LTBP4: variants seen among roughly 807,000 people sequenced by gnomAD.
The protein encoded by LTBP4 is latent-transforming growth factor beta-binding protein 4.
In LTBP4, 93 loss-of-function variants were observed where a neutral mutation model predicts 180.2. The observed-to-expected ratio is 0.52, with a 90% CI of 0.44 to 0.61. LTBP4 has a LOEUF of 0.61. Among genes scored for constraint, LTBP4 ranks in the 20% least tolerant of loss-of-function variants. LTBP4 has a pLI of 0.00. For missense variants in LTBP4, 2,116 were observed against 2,256.5 expected, an observed-to-expected ratio of 0.94 and a Z score of 1.26; for synonymous variants, 947 against 934.5, an observed-to-expected ratio of 1.01 and a Z score of -0.24.
chr19:40,597,234 G>C (rs1385398857), upstream of LTBP4: 5 of 1,489,218 alleles, frequency 3.4e-6, no homozygotes, highest in Non-Finnish European at 4.4e-6. Flanking sequence ...CGCCCGACAC[G>C]ATGCCGAGGC....
intron 1 of LTBP4, among the ~76,000 whole-genome samples, chr19:40,594,934 G>A (rs751582318): frequency 1.3e-5 from 2 of 151,974 alleles, no homozygotes; most frequent in Non-Finnish European, 2.9e-5. Context: ...GGAGTGGGGG[G>A]TGGGGGGTGC....
Position 40,613,521 on chromosome 19 carries a change from C to G in LTBP4, c.2549C>G (p.Ser850Cys). 1 of 1,569,446 alleles carries G rather than the reference C, an allele frequency of 6.4e-7. No homozygotes were observed. The highest frequency in any genetic ancestry group is 8.6e-7 in the Non-Finnish European group (1 of 1,158,400). ...PGYRPGPRGASCLDVDECSEE... is the reference protein window; with the variant it reads ...PGYRPGPRGACCLDVDECSEE... ...TACCGACCCGGACCCCGCGGAGCCT[C>G]TTGCCTCGGTTCGTACCCGGGCTGA... The change falls in exon 17 of 30, where the codon TCT (serine) becomes TGT (cysteine). Residue 850 changes from serine to cysteine, a missense_variant. Physicochemically the swap from Ser to Cys is moderately radical, Grantham distance 112. Transcript: ENST00000396819. The surrounding 1 kb of genome is among the most constrained non-coding windows in gnomAD (Gnocchi z 5.0).
chr19:40,593,560 T>G (rs1365688401), intron 1 of LTBP4, among the ~76,000 whole-genome samples: 2 of 151,040 alleles, frequency 1.3e-5, no homozygotes, highest in African/African-American at 2.4e-5. Flanking sequence ...TCTAGAAAAT[T>G]TTTTACATGC....
At chr19:40,599,786 T>C, upstream of LTBP4, 1 of 582,676 alleles carries the variant, frequency 1.7e-6, no homozygotes, top group Non-Finnish European at 3.0e-6. Context: ...TCTAGTTACC[T>C]GTCTCTTTTC....
Position 40,627,713 on chromosome 19 carries a change from G to T in LTBP4, c.4375G>T (p.Ala1459Ser), listed in dbSNP as rs775314568. The change falls in exon 29 of 30, where the codon GCT (alanine) becomes TCT (serine). Residue 1459 changes from alanine to serine, a missense_variant. Ala to Ser is a moderately conservative substitution (Grantham distance 99). Around this residue, in one of 5 missense-constraint regions of LTBP4, gnomAD observed 488 missense variants for 458.8 expected, o/e 1.06. Transcript: ENST00000396819. ...PEGGSYAGSL[A>S]EPYEELEAEE... ...CCCCGCATTTCCCACAGGTTCCCTG[G>T]CTGAGCCCTACGAGGAGCTGGAGGC... 1.3e-6 allele frequency: 2 copies of T among 1,594,412 alleles called. No homozygotes were observed. Among genetic ancestry groups the T allele is most frequent in the Non-Finnish European group, 8.5e-7 (1 of 1,171,854 alleles).
At chr19:40,594,750 T>C (rs2081382023) in intron 1 of LTBP4, among the ~76,000 whole-genome samples, 1 of 152,140 alleles carries the variant, frequency 6.6e-6, no homozygotes, top group African/African-American at 2.4e-5. Context: ...TGTGTGTCCC[T>C]GGACGGTGCT....
chr19:40,603,407 C>T (rs1451330124), intron 1 of LTBP4, among the ~76,000 whole-genome samples: 1 of 152,196 alleles, frequency 6.6e-6, no homozygotes, highest in East Asian at 1.9e-4. Flanking sequence ...GTGCTGATGA[C>T]TTCCAGGAAT....
rs926361311 is a variant in LTBP4, at chr19:40,610,621, G to A, written c.1774G>A (p.Gly592Arg). 6 of 1,590,320 alleles carry A rather than the reference G, an allele frequency of 3.8e-6. No individual in the cohort carries two copies. The African/African-American group carries it at 5.3e-5, about 14-fold the overall frequency. ...CAGCTTCCTGTGCGTGTGCCCCGCC[G>A]GGTACCAGGCTGCACCGCACGGAGC... ...PGSFLCVCPA[G>R]YQAAPHGASC... The change falls in exon 12 of 30, where the codon GGG (glycine) becomes AGG (arginine). Residue 592 changes from glycine (G) to arginine (R), a missense_variant. By Grantham distance (125) the Gly-to-Arg change is moderately radical. Around this residue, in one of 5 missense-constraint regions of LTBP4, gnomAD observed 877 missense variants for 873.6 expected, o/e 1.00. Transcript: ENST00000396819.
Position 40,629,246 on chromosome 19 carries a change from C to T in LTBP4, c.4520-150C>T, listed in dbSNP as rs540486281. 2.1e-5 allele frequency: 20 copies of T among 947,550 alleles called. No individual in the cohort carries two copies. The East Asian group carries it at 4.0e-4, about 19-fold the overall frequency. 58.7% of individuals were successfully genotyped at this position (947,550 alleles called of 1,614,324 possible). A position where few individuals can be genotyped will look rare whatever the true frequency, so the allele number is the denominator to read the frequency against. On this transcript the variant is annotated intron_variant, in intron 29 of 29. Transcript: ENST00000396819. This position sits in a 1 kb window ranked among gnomAD's most constrained non-coding sequence, Gnocchi z 4.5. The stretch of plus-strand genomic sequence containing the variant: ...GCACAGTGAGGTTAAGCCACCTGGC[C>T]GGGCTCACACAGTTAGCAGATGGCA...
intron 26 of LTBP4, 70 bp downstream of exon 26, chr19:40,624,152 C>A (rs890548234): frequency 6.9e-7 from 1 of 1,445,936 alleles, no homozygotes; most frequent in South Asian, 1.4e-5. Context: ...CGGGCCACAC[C>A]TTTGCGACGG....
In LTBP4 at chr19:40,620,202, C is replaced by T. The variant is rs537690519; in HGVS notation, c.3217+709C>T. On this transcript the variant is annotated intron_variant, in intron 22 of 29. Coordinates refer to ENST00000396819, the MANE Select transcript of LTBP4 (RefSeq NM_001042545.2). ...TCACAGTAAGAGAGCACTGCGGTAC[C>T]GTGGAAGGGGTTTCGGCGTTTTTTT... Among the ~76,000 whole-genome samples the T allele has an allele frequency of 2.5e-4, 38 of 151,172 alleles. 1 individual carries two copies. The South Asian group carries it at 7.3e-3, about 29-fold the overall frequency.
In LTBP4 at chr19:40,614,317, G is replaced by C. The variant is rs746377786; in HGVS notation, c.2683G>C (p.Val895Leu). Residue 895 changes from valine (V) to leucine (L), a missense_variant and splice_region_variant, in exon 19 of 30, where the codon GTG becomes CTG. Coordinates refer to ENST00000396819, the MANE Select transcript of LTBP4 (RefSeq NM_001042545.2). ...GACCACCCGACCTCTCTCCTCAGAC[G>C]TGGACGAATGTCGCGAGCGAGGCCC... Reference protein sequence around the residue: ...AGPDLASCLDVDECRERGPAL... With the variant: ...AGPDLASCLDLDECRERGPAL... The C allele has an allele frequency of 4.4e-6, 7 of 1,598,670 alleles. No individual in the cohort carries two copies. The highest frequency in any genetic ancestry group is 5.1e-6 in the Non-Finnish European group (6 of 1,179,198).
intron 26 of LTBP4, among the ~76,000 whole-genome samples, chr19:40,625,509 G>C (rs1301444245): frequency 6.6e-6 from 1 of 151,112 alleles, no homozygotes; most frequent in African/African-American, 2.4e-5. Flanking sequence ...TGTGCCTTCA[G>C]CACTTACCCC....
rs557724093 is a variant in LTBP4, at chr19:40,613,856, G to A, written c.2558-60G>A. 6.2e-7 allele frequency: 1 copy of A among 1,608,330 alleles called. No individual in the cohort carries two copies. The highest frequency in any genetic ancestry group is 8.5e-7 in the Non-Finnish European group (1 of 1,177,820). Reference sequence around the variant, plus strand: ...GAGCCGAGGGGCGGTGGAGGGGTGTGGCCTAGAATGTTAGGCGGAGCGGGA... The same window carrying A: ...GAGCCGAGGGGCGGTGGAGGGGTGTAGCCTAGAATGTTAGGCGGAGCGGGA... On this transcript the variant is annotated intron_variant, in intron 17 of 29. Coordinates refer to ENST00000396819, the MANE Select transcript of LTBP4 (RefSeq NM_001042545.2). The surrounding 1 kb of genome is among the most constrained non-coding windows in gnomAD (Gnocchi z 5.0).
chr19:40,615,389 A>T (rs1042714598), intron 19 of LTBP4: 5 of 152,232 alleles, frequency 3.3e-5, no homozygotes, highest in African/African-American at 1.2e-4. Context: ...TAATAAGAGC[A>T]ACAGGAAATA....
At chr19:40,599,120 T>A, upstream of LTBP4, 1 of 1,368,304 alleles carries the variant, frequency 7.3e-7, no homozygotes, top group East Asian at 2.5e-5. Context: ...CGTCTTGGTT[T>A]CCCCTCCCCG....
rs1440708732 is a variant in LTBP4 at position 40,605,235 on chromosome 19, A to G, written c.442+9A>G. On this transcript the variant is annotated intron_variant, in intron 2 of 29. Transcript: ENST00000396819. The surrounding 1 kb of genome is among the most constrained non-coding windows in gnomAD (Gnocchi z 5.5). ...CCGCGACGACGAGCACGGTGAGGAA[A>G]GGGTGGCCAGAGTCCCCTCCGACCC... 1 of 1,581,386 alleles carries G rather than the reference A, an allele frequency of 6.3e-7. No individual in the cohort carries two copies. Among genetic ancestry groups the G allele is most frequent in the Non-Finnish European group, 8.6e-7 (1 of 1,163,456 alleles).
Position 40,627,007 on chromosome 19 carries a change from C to G in LTBP4, c.4018C>G (p.Pro1340Ala), listed in dbSNP as rs370767377. Residue 1340 changes from proline (P) to alanine (A), a missense_variant, in exon 28 of 30, where the codon CCC becomes GCC. Around this residue, in one of 5 missense-constraint regions of LTBP4, gnomAD observed 488 missense variants for 458.8 expected, o/e 1.06. Transcript: ENST00000396819. ...CGAGGCCCTGTGCAATGTGCTACGC[C>G]CCCCCGCATATAGCCCCCCGCGACC... is the stretch of plus-strand genomic sequence containing the variant. ...DFEALCNVLR[P>A]PAYSPPRPGG... is the part of the protein sequence containing the mutation. 4.3e-4 allele frequency: 685 copies of G among 1,589,640 alleles called. 1 individual carries two copies. Among genetic ancestry groups the G allele is most frequent in the Non-Finnish European group, 5.3e-4 (612 of 1,164,698 alleles).
chr19:40,608,431 A>G, intron 8 of LTBP4, 53 bp from the exon 9 acceptor site: 1 of 1,597,238 alleles, frequency 6.3e-7, no homozygotes, highest in Non-Finnish European at 8.5e-7. Flanking sequence ...CCCATAGTGA[A>G]AGGAGGCAAG....
Sources: allele counts gnomAD v4.1 joint callset (sites outside exome capture counted in the v4.1 genomes callset), GRCh38; gene constraint gnomAD v4.1.1; regional missense constraint gnomAD v4.1.1; non-coding constraint Gnocchi (gnomAD v3.1); transcripts MANE v1.5; gene names NCBI Gene and HGNC (gene_info 2026-07-23, HGNC 2026-07-21).